AP5Z1: variants seen among roughly 807,000 people sequenced by gnomAD.
The protein encoded by AP5Z1 is adaptor related protein complex 5 subunit zeta 1.
In AP5Z1, 106 loss-of-function variants were observed where a neutral mutation model predicts 83.0. That is an observed-to-expected ratio of 1.28 (90% CI 1.09 to 1.50). AP5Z1 has a LOEUF of 1.50. Among genes scored for constraint, AP5Z1 ranks in the 40% most tolerant of loss-of-function variants. The probability of loss-of-function intolerance (pLI) is 0.00; values close to 1 mark genes in which losing one functional copy is unlikely to be tolerated. For synonymous variants in AP5Z1, 751 were observed against 514.1 expected (o/e 1.46, Z -6.23); for missense variants, 1,565 against 1,094.2 (o/e 1.43, Z -6.07).
chr7:4,794,168 T>C lies in AP5Z1; in HGVS notation c.*2783T>C, dbSNP rs1781878959. 1 of 152,256 alleles carries C rather than the reference T, an allele frequency of 6.6e-6. No individual in the cohort carries two copies. 9.4% of individuals were successfully genotyped at this position (152,256 alleles called of 1,614,324 possible). A position where few individuals can be genotyped will look rare whatever the true frequency, so the allele number is the denominator to read the frequency against. On this transcript the variant is annotated 3_prime_UTR_variant, in exon 17 of 17. Transcript: ENST00000649063. ...TTGTCAACACTCTGTATCTAGTTAA[T>C]CTGGTGGGGACATGGAGAACCTTTG...
intron 10 of AP5Z1, among the ~76,000 whole-genome samples, chr7:4,787,079 ATTTGCTTTTGAAGTGTCT>A (rs1781571196): frequency 6.6e-6 from 1 of 151,626 alleles, no homozygotes; most frequent in Non-Finnish European, 1.5e-5. Context: ...GCCTGGTGCC[ATTTGCTTTTGAAGTGTCT>A]TTTGCAGCCT....
chr7:4,782,759 C>T (rs1161972439), intron 3 of AP5Z1, among the ~76,000 whole-genome samples: 12 of 151,048 alleles, frequency 7.9e-5, no homozygotes, highest in Non-Finnish European at 1.5e-5. Context: ...TTGTTTGTTT[C>T]ACCCGCCCTT....
chr7:4,783,376 C>T lies in AP5Z1; in HGVS notation c.427C>T (p.Arg143Trp), dbSNP rs749123950. The change falls in exon 4 of 17, where the codon CGG becomes TGG. Residue 143 changes from arginine to tryptophan, a missense_variant. Coordinates refer to ENST00000649063, the MANE Select transcript of AP5Z1 (RefSeq NM_014855.3). ...GGGCGTGCTACGAGCGCTGGAGAGC[C>T]GGCAGCCTGAGGGACCCAGCCTCAG... ...GQGVLRALES[R>W]QPEGPSLRHL... is the part of the protein sequence containing the mutation. 16 of 1,612,898 alleles carry T rather than the reference C, an allele frequency of 9.9e-6. No homozygotes were observed. Among genetic ancestry groups the T allele is most frequent in the Middle Eastern group, 1.6e-4 (1 of 6,070 alleles).
At position 4,787,765 on chromosome 7, in the gene AP5Z1, C is replaced by T. The variant is rs896906529; in HGVS notation, c.1443C>T (p.Asp481=). The T allele has an allele frequency of 1.0e-5, 16 of 1,537,290 alleles. No homozygotes were observed. The highest frequency in any genetic ancestry group is 1.4e-5 in the Non-Finnish European group (16 of 1,145,344). Reference sequence around the variant, plus strand: ...TGCCCTGCTTGACGGCGGTGCTGGACCTGCAGCTCAGGTGGGCCCCTCACC... The same window carrying T: ...TGCCCTGCTTGACGGCGGTGCTGGATCTGCAGCTCAGGTGGGCCCCTCACC... ...LDLPCLTAVL[D]LQLRSAPAAS... Residue 481 remains aspartate (D), a synonymous_variant, in exon 11 of 17, where the codon GAC becomes GAT. Coordinates refer to ENST00000649063, the MANE Select transcript of AP5Z1 (RefSeq NM_014855.3).
At position 4,793,144 on chromosome 7, in the gene AP5Z1, G is replaced by C. The variant is rs1781840200; in HGVS notation, c.*1759G>C. On this transcript the variant is annotated 3_prime_UTR_variant, in exon 17 of 17. Transcript: ENST00000649063. ...GTCCCGCTCATCCAAGGGACAAGGAGGAGCTCATGGCCACAGGGCCTCGGA... is the reference window on the plus strand; with the variant it reads ...GTCCCGCTCATCCAAGGGACAAGGACGAGCTCATGGCCACAGGGCCTCGGA... 1 of 152,388 alleles carries C rather than the reference G, an allele frequency of 6.6e-6. No homozygotes were observed. The highest frequency in any genetic ancestry group is 2.1e-4 in the South Asian group (1 of 4,834). 9.4% of individuals were successfully genotyped at this position (152,388 alleles called of 1,614,324 possible). A position where few individuals can be genotyped will look rare whatever the true frequency, so the allele number is the denominator to read the frequency against.
chr7:4,778,347 G>C (rs1336624439), intron 1 of AP5Z1, among the ~76,000 whole-genome samples: 8 of 152,172 alleles, frequency 5.3e-5, no homozygotes, highest in Admixed American at 5.2e-4. Flanking sequence ...TAAATGGAGA[G>C]AGCGGGAAGC....
At chr7:4,790,089 G>A (rs900553633) in intron 14 of AP5Z1, 160 bp downstream of exon 14, 18 of 1,246,284 alleles carry the variant, frequency 1.4e-5, no homozygotes, top group Non-Finnish European at 1.7e-5. Context: ...CCCACACCCA[G>A]CCCCAGGCAC....
intron 5 of AP5Z1, 56 bp downstream of exon 5, chr7:4,783,854 C>T: frequency 2.7e-6 from 4 of 1,491,388 alleles, no homozygotes. Flanking sequence ...CAACCCCTCC[C>T]TGAGAGCTCC....
rs3031276 is a variant in AP5Z1 at position 4,790,070 on chromosome 7, ACCCACAGC to A, written c.1805+148_1805+155del. The A allele has an allele frequency of 0.02, 21,166 of 1,041,276 alleles. 1,573 individuals carry two copies. In the African/African-American group the frequency reaches 0.24, roughly 12 times the overall value. 64.5% of individuals were successfully genotyped at this position (1,041,276 alleles called of 1,614,324 possible). On this transcript the variant is annotated intron_variant, in intron 14 of 16. Transcript: ENST00000649063. ...AGCAGCCTCAGACCCTGCCACCCCCACCCACAGCCCCACACCCAGCCCCAGGCACTTCT... is the reference window on the plus strand; with the variant it reads ...AGCAGCCTCAGACCCTGCCACCCCCACCCACACCCAGCCCCAGGCACTTCT...
intron 13 of AP5Z1, 68 bp downstream of exon 13, chr7:4,789,019 A>G (rs2115122995): frequency 7.3e-7 from 1 of 1,364,564 alleles, no homozygotes; most frequent in Non-Finnish European, 1.0e-6. Flanking sequence ...CAGAGCCAGC[A>G]CTGGGGGGCC....
chr7:4,791,543 C>A lies in AP5Z1; in HGVS notation c.*158C>A, dbSNP rs551093436. On this transcript the variant is annotated 3_prime_UTR_variant, in exon 17 of 17. Transcript: ENST00000649063. ...CACCCTCACAGACACGCGGGGCTGG[C>A]CCCCCTGCTCACCCTCTGGGCTTTG... 616 of 1,087,436 alleles carry A rather than the reference C, an allele frequency of 5.7e-4. 2 individuals are homozygous for A. The African/African-American group carries it at 6.7e-3, about 12-fold the overall frequency. 67.4% of individuals were successfully genotyped at this position (1,087,436 alleles called of 1,614,324 possible).
chr7:4,776,011 A>T (rs1034675967), intron 1 of AP5Z1, among the ~76,000 whole-genome samples: 3 of 152,162 alleles, frequency 2.0e-5, no homozygotes, highest in Non-Finnish European at 2.9e-5. Flanking sequence ...GTGGGGTGGG[A>T]CCCAGTCGAC....
intron 14 of AP5Z1, 124 bp from the exon 15 acceptor site, chr7:4,790,332 CTCT>C (rs1562414193): frequency 1.3e-6 from 2 of 1,556,556 alleles, no homozygotes; most frequent in East Asian, 2.4e-5. Context: ...TTCTGTGTTC[CTCT>C]ATCGGAGGGT....
At position 4,784,060 on chromosome 7, in the gene AP5Z1, G is replaced by A. The variant is rs1463746763; in HGVS notation, c.622-143G>A. ...TGCCTGGGGGTCAGGTGGGGATGGT[G>A]TTTTTGCATCACACAGGGCGGGCCG... is the stretch of plus-strand genomic sequence containing the variant. On this transcript the variant is annotated intron_variant, in intron 5 of 16. Coordinates refer to ENST00000649063, the MANE Select transcript of AP5Z1 (RefSeq NM_014855.3). 6 of 1,078,778 alleles carry A rather than the reference G, an allele frequency of 5.6e-6. No individual in the cohort carries two copies. In the Admixed American group the frequency reaches 1.7e-4, roughly 30 times the overall value. The allele number at this position is 1,078,778 out of a possible 1,614,324, so 66.8% of individuals were successfully genotyped here. A position where few individuals can be genotyped will look rare whatever the true frequency, so the allele number is the denominator to read the frequency against.
chr7:4,779,417 A>G (rs981517155), intron 1 of AP5Z1, among the ~76,000 whole-genome samples: 1 of 144,002 alleles, frequency 6.9e-6, no homozygotes, highest in Non-Finnish European at 1.5e-5. Context: ...TAACATGATA[A>G]CATATATATC....
At chr7:4,788,354 G>A (rs1781626734) in intron 12 of AP5Z1, 60 bp downstream of exon 12, 1 of 1,502,252 alleles carries the variant, frequency 6.7e-7, no homozygotes, top group Non-Finnish European at 8.9e-7. Flanking sequence ...CACAGCCACT[G>A]GGGTGGGGCT....
intron 1 of AP5Z1, among the ~76,000 whole-genome samples, chr7:4,777,370 T>C (rs1236578243): frequency 1.3e-5 from 2 of 151,586 alleles, no homozygotes; most frequent in Non-Finnish European, 2.9e-5. Flanking sequence ...TATTTATTTA[T>C]TTATTTATTT....
chr7:4,785,572 G>T lies in AP5Z1; in HGVS notation c.1020G>T (p.Pro340=), dbSNP rs370469975. ...LVLDVLCRQD[P]SFLYRSLSCL... is the part of the protein sequence containing the mutation. ...TGGACGTGCTGTGCCGGCAGGACCCGTCCTTCCTGTACCGAAGTCTCTCCT... is the reference window on the plus strand; with the variant it reads ...TGGACGTGCTGTGCCGGCAGGACCCTTCCTTCCTGTACCGAAGTCTCTCCT... The change falls in exon 9 of 17, where the codon CCG becomes CCT. Residue 340 remains proline (P), a synonymous_variant. Coordinates refer to ENST00000649063, the MANE Select transcript of AP5Z1 (RefSeq NM_014855.3). 5 of 1,608,050 alleles carry T rather than the reference G, an allele frequency of 3.1e-6. No homozygotes were observed. In the Admixed American group the frequency reaches 5.1e-5, roughly 16 times the overall value.
chr7:4,778,070 A>G (rs1781273453), intron 1 of AP5Z1, among the ~76,000 whole-genome samples: 1 of 152,144 alleles, frequency 6.6e-6, no homozygotes, highest in Admixed American at 6.6e-5. Context: ...AGAATTTTTA[A>G]AAAACTTAGC....
Sources: gnomAD v4.1 joint callset for allele counts (sites outside exome capture counted in the v4.1 genomes callset) on GRCh38, gnomAD v4.1.1 for gene constraint, MANE v1.5 for transcripts, NCBI Gene and HGNC (gene_info 2026-07-23, HGNC 2026-07-21) for gene names.